DROSHA: variants seen among roughly 807,000 people sequenced by gnomAD.
DROSHA encodes drosha ribonuclease III.
Under a neutral mutation model 181.9 loss-of-function variants are expected in DROSHA, and 56 were observed. That is an observed-to-expected ratio of 0.31 (90% CI 0.25 to 0.38). The LOEUF (loss-of-function observed/expected upper bound fraction) is 0.38. Ranked by LOEUF, DROSHA falls within the 10% of genes least tolerant of loss-of-function variation. The pLI, the probability that DROSHA is intolerant of heterozygous loss-of-function variation, is 1.00. For missense variants in DROSHA, 1,218 were observed against 1,743.5 expected, an observed-to-expected ratio of 0.70 and a Z score of 5.37; for synonymous variants, 524 against 591.2, an observed-to-expected ratio of 0.89 and a Z score of 1.65.
intron 13 of DROSHA, among the ~76,000 whole-genome samples, chr5:31,487,935 G>C (rs568975623): frequency 6.6e-6 from 1 of 152,160 alleles, no homozygotes; most frequent in East Asian, 1.9e-4. Flanking sequence ...TAGGTTCATA[G>C]GTACTCTAAA....
At chr5:31,402,715 G>C (rs1262853970) in intron 35 of DROSHA, among the ~76,000 whole-genome samples, 1 of 152,176 alleles carries the variant, frequency 6.6e-6, no homozygotes. Flanking sequence ...AGAAGGGACA[G>C]GGTGGTAGGA....
intron 16 of DROSHA, among the ~76,000 whole-genome samples, chr5:31,474,629 G>T (rs1750151282): frequency 6.6e-6 from 1 of 152,156 alleles, no homozygotes; most frequent in African/African-American, 2.4e-5. Flanking sequence ...CTCCCAAAGT[G>T]CTGGGATTAC....
chr5:31,441,257 A>T (rs1263965438), intron 23 of DROSHA, among the ~76,000 whole-genome samples: 3 of 152,142 alleles, frequency 2.0e-5, no homozygotes, highest in Non-Finnish European at 2.9e-5. Context: ...AAAAAATTTT[A>T]AAAATGAGCT....
chr5:31,493,013 G>A (rs1580287069), intron 13 of DROSHA, among the ~76,000 whole-genome samples, 194 bp downstream of exon 13: 1 of 152,254 alleles, frequency 6.6e-6, no homozygotes, highest in South Asian at 2.1e-4. Flanking sequence ...GACCGAACCC[G>A]TGACTCATTA....
At chr5:31,445,268 A>G (rs1159727809) in intron 23 of DROSHA, among the ~76,000 whole-genome samples, 1 of 152,190 alleles carries the variant, frequency 6.6e-6, no homozygotes, top group Non-Finnish European at 1.5e-5. Context: ...GCCATTAAGC[A>G]TTTGCTTCCA....
At chr5:31,424,352 G>C in intron 28 of DROSHA, 75 bp downstream of exon 28, 2 of 1,526,622 alleles carry the variant, frequency 1.3e-6, no homozygotes, top group Non-Finnish European at 1.8e-6. Flanking sequence ...AGTGGGGAAG[G>C]AAAAAAAGGC....
chr5:31,424,985 T>C (rs112764671), intron 27 of DROSHA, among the ~76,000 whole-genome samples: 58 of 152,284 alleles, frequency 3.8e-4, no homozygotes, highest in African/African-American at 1.4e-3. Flanking sequence ...ATTACAAATG[T>C]TCACTTGAAC....
chr5:31,515,213 G>A lies in DROSHA; in HGVS notation c.1065C>T (p.Ser355=), dbSNP rs550193450. The change falls in exon 8 of 36, where the codon TCC becomes TCT. Residue 355 remains serine (S), a synonymous_variant. Transcript: ENST00000344624. ...APPLEIVNHR[S]PSREKKRARW... ...GAGCTCTCTTCTTCTCCCTACTTGG[G>A]GAGCGACTTCAAAAGAGGGCAAAGG... The A allele has an allele frequency of 6.2e-6, 10 of 1,608,956 alleles. No homozygotes were observed. Among genetic ancestry groups the A allele is most frequent in the South Asian group, 5.6e-5 (5 of 89,502 alleles).
intron 26 of DROSHA, among the ~76,000 whole-genome samples, chr5:31,430,088 A>G (rs1743986253): frequency 6.6e-6 from 1 of 152,200 alleles, no homozygotes; most frequent in South Asian, 2.1e-4. Context: ...CTATGGTAAC[A>G]TTTTAACTGG....
intron 34 of DROSHA, among the ~76,000 whole-genome samples, chr5:31,406,378 C>T (rs1740655390): frequency 6.6e-6 from 1 of 151,914 alleles, no homozygotes; most frequent in Admixed American, 6.6e-5. Flanking sequence ...GGCATGGTGG[C>T]ACATGCCTGT....
At chr5:31,425,203 ATATT>A (rs1220951673) in intron 27 of DROSHA, among the ~76,000 whole-genome samples, 1 of 152,218 alleles carries the variant, frequency 6.6e-6, no homozygotes, top group East Asian at 1.9e-4. Flanking sequence ...AGAGGAAAAA[ATATT>A]TAAGTTTTTT....
At chr5:31,422,059 T>C (rs1742805136) in intron 29 of DROSHA, among the ~76,000 whole-genome samples, 2 of 144,110 alleles carry the variant, frequency 1.4e-5, no homozygotes, top group Non-Finnish European at 3.0e-5. Context: ...GCCACTGCAT[T>C]CCAGCCTTCG....
Position 31,515,548 on chromosome 5 carries a change from C to A in DROSHA, c.964G>T (p.Val322Phe). The A allele has an allele frequency of 6.4e-7, 1 of 1,551,136 alleles. No homozygotes were observed. The highest frequency in any genetic ancestry group is 8.7e-7 in the Non-Finnish European group (1 of 1,146,488). Residue 322 changes from valine (V) to phenylalanine (F), a missense_variant, in exon 7 of 36, where the codon GTT becomes TTT. Coordinates refer to ENST00000344624, the MANE Select transcript of DROSHA (RefSeq NM_001382508.1). ...KRSGRSYGLS[V>F]VPEPAGCTPE... ...GTGCATCCAGCAGGTTCAGGAACAA[C>A]CGATAAACCGTAACTCCTAAAAGAA... is the stretch of plus-strand genomic sequence containing the variant.
At chr5:31,454,069 G>C (rs1297948302) in intron 20 of DROSHA, among the ~76,000 whole-genome samples, 3 of 152,140 alleles carry the variant, frequency 2.0e-5, no homozygotes, top group Admixed American at 6.5e-5. Context: ...TGTATGAGGA[G>C]AAAGAGCTAT....
At chr5:31,414,260 A>G (rs113587533) in intron 30 of DROSHA, among the ~76,000 whole-genome samples, 59 of 152,308 alleles carry the variant, frequency 3.9e-4, no homozygotes, top group African/African-American at 1.4e-3. Flanking sequence ...TTTAAATGAC[A>G]TCAAGACATG....
chr5:31,457,057 T>C (rs1747749491), intron 20 of DROSHA, among the ~76,000 whole-genome samples: 1 of 146,832 alleles, frequency 6.8e-6, no homozygotes, highest in Admixed American at 6.8e-5. Context: ...CCACCATTCA[T>C]ACAAGAAAGA....
chr5:31,525,084 A>C (rs1740358101), intron 5 of DROSHA, among the ~76,000 whole-genome samples: 1 of 152,084 alleles, frequency 6.6e-6, no homozygotes, highest in Non-Finnish European at 1.5e-5. Flanking sequence ...TAATCCCAGC[A>C]CTTTGGGAGG....
intron 35 of DROSHA, among the ~76,000 whole-genome samples, chr5:31,403,424 T>C (rs1408055736): frequency 1.3e-5 from 2 of 151,942 alleles, no homozygotes; most frequent in African/African-American, 2.4e-5. Flanking sequence ...TACATATATA[T>C]ACACACACAC....
At chr5:31,426,348 TG>T in intron 27 of DROSHA, among the ~76,000 whole-genome samples, 1 of 152,354 alleles carries the variant, frequency 6.6e-6, no homozygotes, top group East Asian at 1.9e-4. Flanking sequence ...GAAAATATTC[TG>T]ATCAGGTCAT....
Sources: gnomAD v4.1 joint callset for allele counts (sites outside exome capture counted in the v4.1 genomes callset) on GRCh38, gnomAD v4.1.1 for gene constraint, MANE v1.5 for transcripts, NCBI Gene and HGNC (gene_info 2026-07-23, HGNC 2026-07-21) for gene names.